The following SYNPO2 variants were observed in gnomAD, a reference collection of about 807,000 sequenced individuals.
The protein encoded by SYNPO2 is synaptopodin-2.
In SYNPO2, 56 loss-of-function variants were observed where a neutral mutation model predicts 85.0. The observed-to-expected ratio is 0.66, with a 90% CI of 0.53 to 0.82. The LOEUF (loss-of-function observed/expected upper bound fraction) is 0.82. Among genes scored for constraint, SYNPO2 ranks in the 40% least tolerant of loss-of-function variants. The pLI is 0.00. For missense variants in SYNPO2, 1,575 were observed against 1,534.2 expected (o/e 1.03, Z -0.44); for synonymous variants, 602 against 591.1 (o/e 1.02, Z -0.27).
At chr4:119,042,174 T>C (rs941888428) in intron 4 of SYNPO2, 1 of 152,284 alleles carries the variant, frequency 6.6e-6, no homozygotes, top group South Asian at 2.1e-4. Flanking sequence ...TCCCTCTCAG[T>C]GCTTCACAGG....
rs1732139843 is a variant in SYNPO2 at position 118,883,168 on chromosome 4, C to T, written c.12+32228C>T. The stretch of plus-strand genomic sequence containing the variant: ...GATACTAAAATCATGACGCATCTTT[C>T]CTGGTTTTGCCATTTTAAATTTCAC... On this transcript the variant is annotated intron_variant, in intron 1 of 4. Coordinates refer to the SYNPO2 transcript ENST00000610556. Among the ~76,000 whole-genome samples the T allele has an allele frequency of 2.0e-5, 3 of 151,978 alleles. No homozygotes were observed. The South Asian group carries it at 6.2e-4, about 32-fold the overall frequency.
chr4:118,858,804 A>C (rs1731556861), intron 1 of SYNPO2, among the ~76,000 whole-genome samples: 1 of 152,228 alleles, frequency 6.6e-6, no homozygotes, highest in African/African-American at 2.4e-5. Flanking sequence ...TCTGAGACAA[A>C]GGTTATGGGT....
chr4:118,873,471 A>G (rs1243755188), intron 1 of SYNPO2, among the ~76,000 whole-genome samples: 1 of 152,072 alleles, frequency 6.6e-6, no homozygotes, highest in Non-Finnish European at 1.5e-5. Context: ...AGCATTTTTC[A>G]TATGCCTAGT....
At chr4:118,876,889 G>C (rs11932992) in intron 1 of SYNPO2, among the ~76,000 whole-genome samples, 1,650 of 151,414 alleles carry the variant, frequency 0.011, 33 homozygotes, top group African/African-American at 0.038. Context: ...CTCCCAGCCT[G>C]AAGCAATCCT....
intron 4 of SYNPO2, among the ~76,000 whole-genome samples, chr4:119,046,246 C>T (rs1168962175): frequency 6.6e-6 from 1 of 152,164 alleles, no homozygotes; most frequent in Non-Finnish European, 1.5e-5. Flanking sequence ...AGTATATGCA[C>T]ACATTCCTCC....
intron 1 of SYNPO2, among the ~76,000 whole-genome samples, chr4:118,891,836 C>T (rs1250102193): frequency 1.3e-5 from 2 of 152,178 alleles, no homozygotes; most frequent in East Asian, 1.9e-4. Flanking sequence ...TGAAGGAAAA[C>T]TTAAATTTTC....
At chr4:118,880,846 T>C (rs1484029106) in intron 1 of SYNPO2, among the ~76,000 whole-genome samples, 1 of 152,168 alleles carries the variant, frequency 6.6e-6, no homozygotes, top group Non-Finnish European at 1.5e-5. Flanking sequence ...TCACTCTTTC[T>C]GATGTTTCAG....
chr4:118,943,466 T>G (rs1734390250), intron 1 of SYNPO2, among the ~76,000 whole-genome samples: 1 of 152,220 alleles, frequency 6.6e-6, no homozygotes, highest in Admixed American at 6.5e-5. Context: ...ACATAAGTGA[T>G]GTGGGGGAAG....
At chr4:119,002,844 G>C (rs1003681128) in intron 1 of SYNPO2, among the ~76,000 whole-genome samples, 1 of 70,986 alleles carries the variant, frequency 1.4e-5, no homozygotes, top group Non-Finnish European at 3.2e-5. Flanking sequence ...TAATTTATCT[G>C]GGTATAGCAT....
intron 1 of SYNPO2, among the ~76,000 whole-genome samples, chr4:118,854,096 T>C (rs745930220): frequency 7.9e-5 from 12 of 152,212 alleles, no homozygotes; most frequent in Non-Finnish European, 1.6e-4. Flanking sequence ...AAAAAGCTAA[T>C]GATAAAAGTG....
chr4:119,047,067 TA>T (rs1407744031), intron 4 of SYNPO2, among the ~76,000 whole-genome samples: 4 of 133,846 alleles, frequency 3.0e-5, no homozygotes, highest in Non-Finnish European at 4.9e-5. Context: ...TTTGTTTATT[TA>T]TTTTTTTTTT....
At position 119,057,533 on chromosome 4, in the gene SYNPO2, C is replaced by G. The variant is rs1202147829; in HGVS notation, c.3385C>G (p.Pro1129Ala). 1.9e-6 allele frequency: 3 copies of G among 1,613,932 alleles called. No individual in the cohort carries two copies. Among genetic ancestry groups the G allele is most frequent in the Non-Finnish European group, 2.5e-6 (3 of 1,180,028 alleles). ...TGGACTAGAGAAAGCAAACAAGAGACCAACTCCTTGGGAAGCAGCAGCAAA... is the reference window on the plus strand; with the variant it reads ...TGGACTAGAGAAAGCAAACAAGAGAGCAACTCCTTGGGAAGCAGCAGCAAA... ...TDGLEKANKR[P>A]TPWEAAAKSP... Residue 1129 changes from proline (P) to alanine (A), a missense_variant, in exon 5 of 5, where the codon CCA becomes GCA. Physicochemically the swap from Pro to Ala is conservative, Grantham distance 27. Coordinates refer to ENST00000307142, the MANE Select transcript of SYNPO2 (RefSeq NM_133477.3).
At chr4:119,011,946 G>A in intron 1 of SYNPO2, among the ~76,000 whole-genome samples, 1 of 108,558 alleles carries the variant, frequency 9.2e-6, no homozygotes, top group Admixed American at 1.2e-4. Context: ...TTTTTGAGAT[G>A]GAGTCTCACT....
intron 4 of SYNPO2, among the ~76,000 whole-genome samples, chr4:119,039,247 G>T (rs1245833659): frequency 6.6e-6 from 1 of 152,076 alleles, no homozygotes; most frequent in African/African-American, 2.4e-5. Flanking sequence ...TAAGGAACTT[G>T]TGTAACATGG....
chr4:119,037,558 G>A (rs766840766), intron 4 of SYNPO2: 5 of 990,438 alleles, frequency 5.0e-6, no homozygotes, highest in Non-Finnish European at 6.0e-6. Flanking sequence ...CCAAAATCAA[G>A]CATTTTGGTT....
At chr4:118,911,881 G>T (rs1009435527) in intron 1 of SYNPO2, among the ~76,000 whole-genome samples, 2 of 152,108 alleles carry the variant, frequency 1.3e-5, no homozygotes, top group Admixed American at 1.3e-4. Context: ...ACAGTAAAGA[G>T]AAATTTCCCT....
upstream of SYNPO2, among the ~76,000 whole-genome samples, chr4:118,886,198 G>C (rs191762288): frequency 6.6e-6 from 1 of 152,126 alleles, no homozygotes; most frequent in Non-Finnish European, 1.5e-5. Context: ...AAAGTAAAAA[G>C]AACAAATATG....
chr4:118,996,955 A>G (rs1341872671), intron 1 of SYNPO2, among the ~76,000 whole-genome samples: 1 of 150,398 alleles, frequency 6.6e-6, no homozygotes, highest in Non-Finnish European at 1.5e-5. Context: ...TTTAAAAGAA[A>G]AAAGGCCGGG....
intron 1 of SYNPO2, among the ~76,000 whole-genome samples, chr4:118,875,141 G>A (rs888390290): frequency 2.0e-5 from 3 of 152,154 alleles, no homozygotes; most frequent in African/African-American, 7.2e-5. Flanking sequence ...AGTTTGCTGA[G>A]GATAATGGCT....
Sources: gnomAD v4.1 joint callset for allele counts (sites outside exome capture counted in the v4.1 genomes callset) on GRCh38, gnomAD v4.1.1 for gene constraint, MANE v1.5 for transcripts, NCBI Gene and HGNC (gene_info 2026-07-23, HGNC 2026-07-21) for gene names.